The following TMEM132D variants were observed in gnomAD, a reference collection of about 807,000 sequenced individuals.
The protein encoded by TMEM132D is mature OL transmembrane protein.
TMEM132D carries 21 observed loss-of-function variants against 62.3 expected under a neutral mutation model. The observed-to-expected ratio is 0.34, with a 90% CI of 0.24 to 0.49. The LOEUF (loss-of-function observed/expected upper bound fraction) is 0.49. TMEM132D is among the 20% of genes least tolerant of loss of function. The probability of loss-of-function intolerance (pLI) is 0.99; values close to 1 mark genes in which losing one functional copy is unlikely to be tolerated. For missense variants in TMEM132D, 1,346 were observed against 1,402.8 expected, an observed-to-expected ratio of 0.96 and a Z score of 0.65; for synonymous variants, 621 against 575.6, an observed-to-expected ratio of 1.08 and a Z score of -1.13.
At chr12:129,263,415 A>G (rs1880603082) in intron 4 of TMEM132D, among the ~76,000 whole-genome samples, 1 of 152,190 alleles carries the variant, frequency 6.6e-6, no homozygotes, top group South Asian at 2.1e-4. Context: ...AGAAAGTAAT[A>G]CTGAAGTATA....
At chr12:129,526,071 A>G (rs561043507) in intron 3 of TMEM132D, among the ~76,000 whole-genome samples, 1 of 152,310 alleles carries the variant, frequency 6.6e-6, no homozygotes, top group South Asian at 2.1e-4. Context: ...AGTTTCTAAC[A>G]TACACACAAC....
At chr12:129,511,495 A>G (rs1875495335) in intron 3 of TMEM132D, among the ~76,000 whole-genome samples, 1 of 152,210 alleles carries the variant, frequency 6.6e-6, no homozygotes. Context: ...AGGCTTTGTC[A>G]GTCTTTTAAA....
chr12:129,263,548 A>G (rs185672901), intron 4 of TMEM132D, among the ~76,000 whole-genome samples: 2 of 152,238 alleles, frequency 1.3e-5, no homozygotes, highest in African/African-American at 4.8e-5. Context: ...TTAGGGAGAG[A>G]AAGATCTAAG....
In TMEM132D at chr12:129,903,740, C is replaced by A. The variant is rs1474634315; in HGVS notation, c.-401G>T. 1 of 152,194 alleles carries A rather than the reference C, an allele frequency of 6.6e-6. No individual in the cohort carries two copies. Among genetic ancestry groups the A allele is most frequent in the African/African-American group, 2.4e-5 (1 of 41,368 alleles). The allele number at this position is 152,194 out of a possible 1,614,324, so 9.4% of individuals were successfully genotyped here. On this transcript the variant is annotated 5_prime_UTR_variant, in exon 1 of 9. Transcript: ENST00000422113. This position sits in a 1 kb window ranked among gnomAD's most constrained non-coding sequence, Gnocchi z 6.2. ...CTCCAGCTGCTCCCGGGCTGGCTAG[C>A]GGGCGCTGGCGCAGGCGGCGCCGGG... is the stretch of plus-strand genomic sequence containing the variant.
chr12:129,609,201 T>C (rs1449733631), intron 2 of TMEM132D, among the ~76,000 whole-genome samples: 3 of 152,104 alleles, frequency 2.0e-5, no homozygotes, highest in African/African-American at 4.8e-5. Context: ...AACCTTGGCC[T>C]CCCAAAGTGC....
chr12:129,337,504 GGTTTC>G, intron 4 of TMEM132D, 125 bp downstream of exon 4: 1 of 1,013,484 alleles, frequency 9.9e-7, no homozygotes, highest in South Asian at 1.5e-5. Flanking sequence ...TCAACTTTGT[GGTTTC>G]GTTTCTCACT....
chr12:129,292,312 C>A (rs1401987060), intron 4 of TMEM132D, among the ~76,000 whole-genome samples: 1 of 152,188 alleles, frequency 6.6e-6, no homozygotes, highest in African/African-American at 2.4e-5. Flanking sequence ...AGCAGAGAAA[C>A]AATGGAAGAA....
At chr12:129,302,927 G>A (rs545862898) in intron 4 of TMEM132D, among the ~76,000 whole-genome samples, 1 of 152,268 alleles carries the variant, frequency 6.6e-6, no homozygotes, top group South Asian at 2.1e-4. Flanking sequence ...TTCTAGTCTC[G>A]TTTTCCTTGC....
intron 2 of TMEM132D, among the ~76,000 whole-genome samples, chr12:129,558,938 CAA>C (rs1877138024): frequency 6.6e-6 from 1 of 152,204 alleles, no homozygotes; most frequent in Non-Finnish European, 1.5e-5. Flanking sequence ...AATCCGTCAT[CAA>C]GAGTGATATT....
chr12:129,873,503 C>A (rs536717072), intron 1 of TMEM132D, among the ~76,000 whole-genome samples: 1 of 152,338 alleles, frequency 6.6e-6, no homozygotes, highest in South Asian at 2.1e-4. Context: ...CAGGAAATTT[C>A]AGCAACAGAA....
At chr12:129,638,813 C>A (rs954038432) in intron 2 of TMEM132D, among the ~76,000 whole-genome samples, 1 of 151,836 alleles carries the variant, frequency 6.6e-6, no homozygotes, top group Non-Finnish European at 1.5e-5. Flanking sequence ...AAGCAGTCCC[C>A]GCAATTATGA....
intron 5 of TMEM132D, among the ~76,000 whole-genome samples, chr12:129,114,254 G>A (rs1427969589): frequency 3.9e-5 from 6 of 152,142 alleles, no homozygotes; most frequent in African/African-American, 1.4e-4. Context: ...TGTTACAGTG[G>A]GGAGGGGGAT....
At chr12:129,393,432 T>A (rs1871343516) in intron 3 of TMEM132D, among the ~76,000 whole-genome samples, 1 of 152,216 alleles carries the variant, frequency 6.6e-6, no homozygotes, top group South Asian at 2.1e-4. Flanking sequence ...GCTTTCCTGT[T>A]TCTTTCCAGA....
chr12:129,636,080 A>C (rs1361740601), intron 2 of TMEM132D, among the ~76,000 whole-genome samples: 1 of 152,224 alleles, frequency 6.6e-6, no homozygotes, highest in Non-Finnish European at 1.5e-5. Context: ...TGTGGAGACC[A>C]AGGTTCTTAT....
At chr12:129,836,394 C>G (rs976415015) in intron 1 of TMEM132D, among the ~76,000 whole-genome samples, 4 of 152,098 alleles carry the variant, frequency 2.6e-5, no homozygotes, top group Admixed American at 6.6e-5. Context: ...TCAGCTGAGT[C>G]TCAGTATCTC....
chr12:129,201,629 A>G (rs1011188271), intron 5 of TMEM132D, among the ~76,000 whole-genome samples: 2 of 152,254 alleles, frequency 1.3e-5, no homozygotes, highest in African/African-American at 4.8e-5. Context: ...GGAATGTCCT[A>G]GAAGACAAAT....
chr12:129,588,605 T>C (rs567331846), intron 2 of TMEM132D, among the ~76,000 whole-genome samples: 95 of 151,998 alleles, frequency 6.3e-4, no homozygotes, highest in African/African-American at 2.3e-3. Flanking sequence ...GAGACAGTCT[T>C]GCTCTGCCAC....
At chr12:129,605,731 C>T (rs1311538055) in intron 2 of TMEM132D, among the ~76,000 whole-genome samples, 1 of 151,414 alleles carries the variant, frequency 6.6e-6, no homozygotes, top group African/African-American at 2.4e-5. Flanking sequence ...CCTTGACAGT[C>T]ATTTTTTCCA....
At chr12:129,701,314 C>T (rs1004999898) in intron 1 of TMEM132D, among the ~76,000 whole-genome samples, 2 of 152,166 alleles carry the variant, frequency 1.3e-5, no homozygotes, top group Admixed American at 6.5e-5. Context: ...AGTGGACACC[C>T]GCCCCCAGTT....
Sources: gnomAD v4.1 joint callset for allele counts (sites outside exome capture counted in the v4.1 genomes callset) on GRCh38, gnomAD v4.1.1 for gene constraint, Gnocchi (gnomAD v3.1) non-coding constraint, MANE v1.5 for transcripts, NCBI Gene and HGNC (gene_info 2026-07-23, HGNC 2026-07-21) for gene names.